The following CD38 variants were observed in gnomAD, a reference collection of about 807,000 sequenced individuals.
CD38 encodes the protein CD38 molecule, also known as ADP-ribosyl cyclase/cyclic ADP-ribose hydrolase 1.
CD38 carries 31 observed loss-of-function variants against 36.3 expected under a neutral mutation model. The observed-to-expected ratio is 0.85, with a 90% CI of 0.64 to 1.15. CD38 has a LOEUF of 1.15. Among genes scored for constraint, CD38 ranks in the 50% most tolerant of loss-of-function variants. CD38 has a pLI of 0.00. For missense variants in CD38, 380 were observed against 371.9 expected, an observed-to-expected ratio of 1.02 and a Z score of -0.18; for synonymous variants, 131 against 135.2, an observed-to-expected ratio of 0.97 and a Z score of 0.22.
intron 2 of CD38, among the ~76,000 whole-genome samples, chr4:15,821,199 G>C (rs1471670699): frequency 6.6e-6 from 1 of 152,094 alleles, no homozygotes; most frequent in Non-Finnish European, 1.5e-5. Context: ...AGTGTTAAGA[G>C]GGAAATTTAT....
chr4:15,779,664 C>A (rs1025004708), intron 1 of CD38, among the ~76,000 whole-genome samples: 2 of 152,234 alleles, frequency 1.3e-5, no homozygotes, highest in Admixed American at 6.5e-5. Context: ...CCCAGCGTCC[C>A]GTTAGTTGTT....
intron 7 of CD38, among the ~76,000 whole-genome samples, chr4:15,848,029 C>T (rs1724300781): frequency 6.6e-6 from 1 of 152,314 alleles, no homozygotes; most frequent in South Asian, 2.1e-4. Flanking sequence ...CTCTCTCTTC[C>T]TTGGCTCATA....
intron 1 of CD38, among the ~76,000 whole-genome samples, chr4:15,784,439 T>C (rs1416971482): frequency 2.0e-5 from 3 of 152,158 alleles, no homozygotes; most frequent in Non-Finnish European, 2.9e-5. Context: ...ATTGGCCAAT[T>C]GATTGACTAA....
chr4:15,783,578 C>T (rs4580644), intron 1 of CD38, among the ~76,000 whole-genome samples: 78,400 of 152,028 alleles, frequency 0.52, 21,084 homozygotes, highest in African/African-American at 0.66. Context: ...TATCACCTAA[C>T]AGTCTCTTAA....
At chr4:15,829,725 C>T (rs111349308) in intron 3 of CD38, among the ~76,000 whole-genome samples, 37 of 152,306 alleles carry the variant, frequency 2.4e-4, no homozygotes, top group African/African-American at 7.9e-4. Flanking sequence ...CCATCCCCAC[C>T]TCCCCACAAT....
At chr4:15,805,455 C>A (rs75344801) in intron 1 of CD38, among the ~76,000 whole-genome samples, 2 of 152,148 alleles carry the variant, frequency 1.3e-5, no homozygotes, top group Non-Finnish European at 2.9e-5. Context: ...TCACTCTTGA[C>A]ATTCATTCTA....
intron 1 of CD38, among the ~76,000 whole-genome samples, chr4:15,788,795 C>A (rs546707746): frequency 1.3e-5 from 2 of 152,322 alleles, no homozygotes; most frequent in South Asian, 4.1e-4. Flanking sequence ...TTGATTTACT[C>A]ATTTATGAAG....
At chr4:15,803,902 A>G (rs1415399406) in intron 1 of CD38, among the ~76,000 whole-genome samples, 2 of 152,042 alleles carry the variant, frequency 1.3e-5, no homozygotes, top group Non-Finnish European at 2.9e-5. Context: ...GAAATGTAGT[A>G]TTTGGTTTTC....
At chr4:15,799,095 G>A (rs561099154) in intron 1 of CD38, among the ~76,000 whole-genome samples, 1 of 152,248 alleles carries the variant, frequency 6.6e-6, no homozygotes, top group East Asian at 1.9e-4. Flanking sequence ...TTTCTTTAAT[G>A]TGAGATCACA....
intron 1 of CD38, among the ~76,000 whole-genome samples, chr4:15,788,464 C>T (rs1722888841): frequency 6.6e-6 from 1 of 151,932 alleles, no homozygotes; most frequent in Non-Finnish European, 1.5e-5. Flanking sequence ...AAAAAAGTGA[C>T]TGACATATGA....
At chr4:15,786,232 C>A (rs538384924) in intron 1 of CD38, among the ~76,000 whole-genome samples, 5 of 152,356 alleles carry the variant, frequency 3.3e-5, no homozygotes, top group Non-Finnish European at 5.9e-5. Flanking sequence ...TGGCTCCCCC[C>A]AGCCTGCTTT....
intron 3 of CD38, among the ~76,000 whole-genome samples, chr4:15,832,067 T>G (rs764192582): frequency 6.6e-6 from 1 of 152,152 alleles, no homozygotes; most frequent in Non-Finnish European, 1.5e-5. Flanking sequence ...TGATCAGTTC[T>G]GCTATAAAAA....
At chr4:15,822,726 A>T (rs922637375) in intron 2 of CD38, among the ~76,000 whole-genome samples, 1 of 152,360 alleles carries the variant, frequency 6.6e-6, no homozygotes, top group Non-Finnish European at 1.5e-5. Context: ...CATGGATAGG[A>T]AGAATCAATA....
Position 15,849,492 on chromosome 4 carries a change from C to T in CD38, c.*890C>T, listed in dbSNP as rs1004062843. The stretch of plus-strand genomic sequence containing the variant: ...GAATGGAATCTGGAATATAGTTCTT[C>T]TGGATGGCTCCAAAACACATGTTTT... On this transcript the variant is annotated 3_prime_UTR_variant, in exon 8 of 8. Transcript: ENST00000226279. 1.3e-5 allele frequency: 2 copies of T among 152,166 alleles called. No individual in the cohort carries two copies. Among genetic ancestry groups the T allele is most frequent in the South Asian group, 2.1e-4 (1 of 4,836 alleles). The allele number at this position is 152,166 out of a possible 1,614,324, so 9.4% of individuals were successfully genotyped here. A position where few individuals can be genotyped will look rare whatever the true frequency, so the allele number is the denominator to read the frequency against.
intron 1 of CD38, among the ~76,000 whole-genome samples, chr4:15,797,038 G>A (rs557053093): frequency 2.0e-5 from 3 of 151,944 alleles, no homozygotes; most frequent in Admixed American, 1.3e-4. Flanking sequence ...AAAAATTGTC[G>A]AACTTCTCTT....
chr4:15,789,265 T>C (rs1039113612), intron 1 of CD38, among the ~76,000 whole-genome samples: 2 of 152,220 alleles, frequency 1.3e-5, no homozygotes, highest in African/African-American at 4.8e-5. Context: ...AAATTCTTGC[T>C]CACATGGAAC....
intron 4 of CD38, among the ~76,000 whole-genome samples, chr4:15,835,984 G>A (rs1278849232): frequency 6.6e-6 from 1 of 152,088 alleles, no homozygotes; most frequent in Non-Finnish European, 1.5e-5. Context: ...AAAAGAGAAA[G>A]GAAGGAAGAA....
chr4:15,819,634 GAAGA>G (rs1276017033), intron 2 of CD38, among the ~76,000 whole-genome samples: 6 of 152,218 alleles, frequency 3.9e-5, no homozygotes, highest in South Asian at 4.1e-4. Context: ...AGACCAAACA[GAAGA>G]AAGGATATCA....
intron 1 of CD38, among the ~76,000 whole-genome samples, chr4:15,797,878 A>T (rs1723134058): frequency 6.6e-6 from 1 of 152,042 alleles, no homozygotes; most frequent in Non-Finnish European, 1.5e-5. Context: ...ATCTCATCTT[A>T]ACTTGATCAT....
Sources: gnomAD v4.1 joint callset for allele counts (sites outside exome capture counted in the v4.1 genomes callset) on GRCh38, gnomAD v4.1.1 for gene constraint, MANE v1.5 for transcripts, NCBI Gene and HGNC (gene_info 2026-07-23, HGNC 2026-07-21) for gene names.